The following RAD50 variants were observed in gnomAD, a reference collection of about 807,000 sequenced individuals.
RAD50 encodes the protein DNA repair protein RAD50.
In RAD50, 132 loss-of-function variants were observed where a neutral mutation model predicts 168.8. The ratio of observed to expected loss-of-function variants is 0.78; its 90% CI spans 0.68 to 0.90. RAD50 has a LOEUF of 0.90. RAD50 is among the 40% of genes least tolerant of loss of function. RAD50 has a pLI of 0.00. For synonymous variants in RAD50, 525 were observed against 497.4 expected (o/e 1.06, Z -0.74); for missense variants, 1,347 against 1,534.4 (o/e 0.88, Z 2.04).
chr5:132,642,876 T>G lies in RAD50; in HGVS notation c.*512T>G. The G allele has an allele frequency of 7.8e-6, 3 of 386,782 alleles. No homozygotes were observed. The highest frequency in any genetic ancestry group is 7.3e-5 in the South Asian group (3 of 41,010). 24.0% of individuals were successfully genotyped at this position (386,782 alleles called of 1,614,324 possible). A position where few individuals can be genotyped will look rare whatever the true frequency, so the allele number is the denominator to read the frequency against. Reference sequence around the variant, plus strand: ...TTAACTTTATAAATCCAGTGACCTCTCTCTCTGGGACTTGGTTTCCCCAAC... The same window carrying G: ...TTAACTTTATAAATCCAGTGACCTCGCTCTCTGGGACTTGGTTTCCCCAAC... On this transcript the variant is annotated 3_prime_UTR_variant, in exon 25 of 25. Coordinates refer to ENST00000378823, the MANE Select transcript of RAD50 (RefSeq NM_005732.4).
At chr5:132,593,807 A>G (rs768872377) in intron 11 of RAD50, among the ~76,000 whole-genome samples, 4 of 152,220 alleles carry the variant, frequency 2.6e-5, no homozygotes, top group Non-Finnish European at 4.4e-5. Context: ...AGGAGTTACA[A>G]TTAGATTCCT....
intron 11 of RAD50, chr5:132,592,727 C>G: frequency 2.3e-6 from 1 of 436,382 alleles, no homozygotes; most frequent in Non-Finnish European, 4.9e-6. Flanking sequence ...ACTTCCACCA[C>G]TTGTTAGCCA....
intron 2 of RAD50, among the ~76,000 whole-genome samples, chr5:132,572,033 T>C (rs1353447806): frequency 6.6e-6 from 1 of 152,180 alleles, no homozygotes; most frequent in Non-Finnish European, 1.5e-5. Context: ...TGAATCCTTT[T>C]GCTCTAAAGG....
In RAD50 at chr5:132,628,310, G is replaced by C. The variant is rs900416426; in HGVS notation, c.3390-8805G>C. On this transcript the variant is annotated intron_variant, in intron 21 of 24. Coordinates refer to ENST00000378823, the MANE Select transcript of RAD50 (RefSeq NM_005732.4). The stretch of plus-strand genomic sequence containing the variant: ...AAAGGTCCCACCACTAGTTATGTTT[G>C]CAAATCCAGTAAATAAGCAGCTGGT... 1.7e-4 allele frequency among the ~76,000 whole-genome samples: 26 copies of C among 152,174 alleles called. 1 individual carries two copies. Among genetic ancestry groups the C allele is most frequent in the African/African-American group, 6.3e-4 (26 of 41,446 alleles).
At chr5:132,578,119 C>T (rs1422574168) in intron 3 of RAD50, among the ~76,000 whole-genome samples, 1 of 152,152 alleles carries the variant, frequency 6.6e-6, no homozygotes, top group Non-Finnish European at 1.5e-5. Context: ...AGCCCCATCT[C>T]TGATTTTTTT....
intron 21 of RAD50, among the ~76,000 whole-genome samples, chr5:132,620,153 T>C (rs953099005): frequency 3.3e-5 from 5 of 151,914 alleles, no homozygotes; most frequent in Non-Finnish European, 4.4e-5. Context: ...GATCCACCTG[T>C]ATTGGCCTCC....
chr5:132,625,663 CT>C (rs1419396489), intron 21 of RAD50, among the ~76,000 whole-genome samples: 1 of 152,010 alleles, frequency 6.6e-6, no homozygotes, highest in Non-Finnish European at 1.5e-5. Flanking sequence ...TATTTTTGTA[CT>C]TGTTAACCAT....
At chr5:132,603,894 G>A (rs1399694352) in intron 14 of RAD50, 26 bp from the exon 15 acceptor site, 15 of 1,554,522 alleles carry the variant, frequency 9.6e-6, no homozygotes, top group African/African-American at 1.4e-5. Context: ...GTTTATTAAA[G>A]GAAATCATTT....
At position 132,643,354 on chromosome 5, in the gene RAD50, T is replaced by TGAATCCTTCCATTCCA. The variant is rs1751776394; in HGVS notation, c.*991_*1006dup. ...TTCCTGGAATTGCCAGCTGACATCT[T>TGAATCCTTCCATTCCA]GAATCCTTCCATTCCACACAGAATG... On this transcript the variant is annotated 3_prime_UTR_variant, in exon 25 of 25. Transcript: ENST00000378823. 3.9e-6 allele frequency: 1 copy of TGAATCCTTCCATTCCA among 254,416 alleles called. No individual in the cohort carries two copies. Among genetic ancestry groups the TGAATCCTTCCATTCCA allele is most frequent in the East Asian group, 5.2e-5 (1 of 19,070 alleles). The allele number at this position is 254,416 out of a possible 1,614,324, so 15.8% of individuals were successfully genotyped here.
chr5:132,600,443 G>C (rs545907150), intron 13 of RAD50, among the ~76,000 whole-genome samples: 1 of 152,306 alleles, frequency 6.6e-6, no homozygotes, highest in African/African-American at 2.4e-5. Flanking sequence ...GAAGGCCAAA[G>C]GGAAAAGTTG....
At chr5:132,636,435 G>GAATT (rs1751582696) in intron 21 of RAD50, among the ~76,000 whole-genome samples, 1 of 152,080 alleles carries the variant, frequency 6.6e-6, no homozygotes, top group South Asian at 2.1e-4. Flanking sequence ...TTAATATTTA[G>GAATT]AATTAGGATT....
At chr5:132,594,187 AG>A (rs1422180899) in intron 11 of RAD50, among the ~76,000 whole-genome samples, 1 of 152,232 alleles carries the variant, frequency 6.6e-6, no homozygotes, top group African/African-American at 2.4e-5. Flanking sequence ...TTCTCAAAGT[AG>A]TACATATACA....
At chr5:132,574,949 C>T (rs1750367366) in intron 2 of RAD50, among the ~76,000 whole-genome samples, 1 of 152,194 alleles carries the variant, frequency 6.6e-6, no homozygotes, top group African/African-American at 2.4e-5. Flanking sequence ...TGGTCAATGC[C>T]ATTCAACAAA....
At chr5:132,574,063 A>G (rs755841197) in intron 2 of RAD50, among the ~76,000 whole-genome samples, 1 of 152,186 alleles carries the variant, frequency 6.6e-6, no homozygotes, top group Non-Finnish European at 1.5e-5. Context: ...GGGATCTACC[A>G]GTCTGGAGGA....
rs1377047926 is a variant in RAD50, at chr5:132,643,558, A to C, written c.*1194A>C. The C allele has an allele frequency of 4.3e-6, 1 of 232,700 alleles. No homozygotes were observed. The highest frequency in any genetic ancestry group is 8.5e-6 in the Non-Finnish European group (1 of 117,168). The allele number at this position is 232,700 out of a possible 1,614,324, so 14.4% of individuals were successfully genotyped here. A position where few individuals can be genotyped will look rare whatever the true frequency, so the allele number is the denominator to read the frequency against. The stretch of plus-strand genomic sequence containing the variant: ...GGGTCCAGAAGAGAATTAAGCCCTA[A>C]GGTCCTAAGGCATCTATCTGTGCTA... On this transcript the variant is annotated 3_prime_UTR_variant, in exon 25 of 25. Transcript: ENST00000378823.
rs749894077 is a variant in RAD50 at position 132,588,650 on chromosome 5, A to G, written c.1052-37A>G. On this transcript the variant is annotated intron_variant, in intron 7 of 24. Coordinates refer to ENST00000378823, the MANE Select transcript of RAD50 (RefSeq NM_005732.4). ...CAGCTATCTCAACTTTTTAAGCACC[A>G]GTTGAAAAAAAAATTATGAGATTTT... The G allele has an allele frequency of 1.3e-5, 21 of 1,581,252 alleles. 1 individual carries two copies. Among genetic ancestry groups the G allele is most frequent in the Non-Finnish European group, 1.7e-5 (20 of 1,156,044 alleles).
intron 21 of RAD50, among the ~76,000 whole-genome samples, chr5:132,620,714 C>A (rs191216734): frequency 3.9e-5 from 6 of 152,268 alleles, no homozygotes; most frequent in African/African-American, 1.4e-4. Flanking sequence ...CAGAAATCCA[C>A]ATATAACTTT....
chr5:132,568,489 C>T (rs1343171282), intron 2 of RAD50, among the ~76,000 whole-genome samples: 2 of 152,016 alleles, frequency 1.3e-5, no homozygotes, highest in African/African-American at 2.4e-5. Flanking sequence ...TAAAAAAAGA[C>T]CCAAGAAGCT....
At chr5:132,602,677 CTGTTA>C (rs1561644650) in intron 13 of RAD50, among the ~76,000 whole-genome samples, 1 of 152,168 alleles carries the variant, frequency 6.6e-6, no homozygotes, top group Non-Finnish European at 1.5e-5. Flanking sequence ...TTTATGTACT[CTGTTA>C]TAATACAGTT....
Sources: allele counts gnomAD v4.1 joint callset (sites outside exome capture counted in the v4.1 genomes callset), GRCh38; gene constraint gnomAD v4.1.1; transcripts MANE v1.5; gene names NCBI Gene and HGNC (gene_info 2026-07-23, HGNC 2026-07-21).